CUL9: variants seen among roughly 807,000 people sequenced by gnomAD.
The protein encoded by CUL9 is cullin 9, also known as cullin-9.
CUL9 carries 79 observed loss-of-function variants against 272.6 expected under a neutral mutation model. That is an observed-to-expected ratio of 0.29 (90% CI 0.24 to 0.35). The LOEUF is 0.35. Ranked by LOEUF, CUL9 falls within the 10% of genes least tolerant of loss-of-function variation. The pLI is 1.00. For synonymous variants in CUL9, 1,186 were observed against 1,286.5 expected, an observed-to-expected ratio of 0.92 and a Z score of 1.67; for missense variants, 2,532 against 3,255.6, an observed-to-expected ratio of 0.78 and a Z score of 5.41.
chr6:43,198,551 T>C lies in CUL9; in HGVS notation c.2804-58T>C, dbSNP rs559071066. ...TTTCTGGACCTTCCCAGTTCTCAGT[T>C]TGACAAACTGGTAAGACTCTTCATC... is the stretch of plus-strand genomic sequence containing the variant. On this transcript the variant is annotated intron_variant, in intron 11 of 40. Transcript: ENST00000252050. The C allele has an allele frequency of 2.1e-5, 33 of 1,588,146 alleles. No individual in the cohort carries two copies. The South Asian group carries it at 3.4e-4, about 16-fold the overall frequency.
At chr6:43,194,737 C>G (rs1773848049) in intron 9 of CUL9, among the ~76,000 whole-genome samples, 1 of 152,038 alleles carries the variant, frequency 6.6e-6, no homozygotes, top group South Asian at 2.1e-4. Flanking sequence ...CAATTGCCAT[C>G]CACTATAGAT....
At position 43,222,410 on chromosome 6, in the gene CUL9, C is replaced by T. The variant is rs774206144; in HGVS notation, c.6921+20C>T. On this transcript the variant is annotated intron_variant, in intron 36 of 40. Coordinates refer to ENST00000252050, the MANE Select transcript of CUL9 (RefSeq NM_015089.4). ...GCGCGGGTGAGTCGGGAGGAAACAG[C>T]GGGTAGATGCCTGCAGAAGCAGGTT... 47 of 1,030,760 alleles carry T rather than the reference C, an allele frequency of 4.6e-5. No homozygotes were observed. Among genetic ancestry groups the T allele is most frequent in the East Asian group, 4.5e-4 (9 of 20,208 alleles). 63.9% of individuals were successfully genotyped at this position (1,030,760 alleles called of 1,614,324 possible).
At position 43,200,414 on chromosome 6, in the gene CUL9, C is replaced by T. The variant is rs1774415416; in HGVS notation, c.3385-22C>T. 6.2e-7 allele frequency: 1 copy of T among 1,614,152 alleles called. No homozygotes were observed. Among genetic ancestry groups the T allele is most frequent in the Non-Finnish European group, 8.5e-7 (1 of 1,180,038 alleles). ...GTTCCTCCCTCTCCTCTTCCTCATT[C>T]TCCCTGATGTTCCGGCTGCAGATGG... On this transcript the variant is annotated intron_variant, in intron 14 of 40. Coordinates refer to ENST00000252050, the MANE Select transcript of CUL9 (RefSeq NM_015089.4). The surrounding 1 kb of genome is among the most constrained non-coding windows in gnomAD (Gnocchi z 4.0).
rs1167435341 is a variant in CUL9, at chr6:43,203,630, C to T, written c.4025+38C>T. On this transcript the variant is annotated intron_variant, in intron 19 of 40. Coordinates refer to ENST00000252050, the MANE Select transcript of CUL9 (RefSeq NM_015089.4). The surrounding 1 kb of genome is among the most constrained non-coding windows in gnomAD (Gnocchi z 5.0). ...TGAGGAGGGAAGATGGGTAAGGGAA[C>T]AGGACACTGTGAGAAGTAGGAGGGA... 6.3e-7 allele frequency: 1 copy of T among 1,597,454 alleles called. No homozygotes were observed. Among genetic ancestry groups the T allele is most frequent in the Non-Finnish European group, 8.5e-7 (1 of 1,171,234 alleles).
At position 43,220,402 on chromosome 6, in the gene CUL9, T is replaced by A; in HGVS notation, c.6283-57T>A. On this transcript the variant is annotated intron_variant, in intron 31 of 40. Transcript: ENST00000252050. This position sits in a 1 kb window ranked among gnomAD's most constrained non-coding sequence, Gnocchi z 4.9. ...GACGCTAGCTTAGTTACCAGGACAC[T>A]CCCCCTGTGCTGCTCCCACACTGTC... is the stretch of plus-strand genomic sequence containing the variant. 3.8e-6 allele frequency: 6 copies of A among 1,590,188 alleles called. No individual in the cohort carries two copies. Among genetic ancestry groups the A allele is most frequent in the African/African-American group, 1.3e-5 (1 of 74,480 alleles).
At chr6:43,205,205 A>G in intron 23 of CUL9, 58 bp from the exon 24 acceptor site, 1 of 1,595,056 alleles carries the variant, frequency 6.3e-7, no homozygotes, top group Non-Finnish European at 8.6e-7. Context: ...TTCGCTCCCC[A>G]GTCTCCTACT....
Position 43,198,602 on chromosome 6 carries a change from G to A in CUL9, c.2804-7G>A, listed in dbSNP as rs1462340049. ...CACATTTTTCCCTCTGGTGTGTCTG[G>A]CTGCAGCACTAGAGACCCCCATCAT... On this transcript the variant is annotated splice_region_variant and splice_polypyrimidine_tract_variant and intron_variant, in intron 11 of 40. Transcript: ENST00000252050. The A allele has an allele frequency of 3.7e-6, 6 of 1,613,726 alleles. No individual in the cohort carries two copies. Among genetic ancestry groups the A allele is most frequent in the Middle Eastern group, 1.6e-4 (1 of 6,062 alleles).
At chr6:43,216,541 C>G (rs762817051) in intron 31 of CUL9, 38 bp downstream of exon 31, 2 of 1,516,366 alleles carry the variant, frequency 1.3e-6, no homozygotes. Flanking sequence ...CCCTGGCTTT[C>G]TGCCCTACCC....
At position 43,199,863 on chromosome 6, in the gene CUL9, C is replaced by G. The variant is rs16896330; in HGVS notation, c.3157-66C>G. ...CACGACACTTCCTTTACTGAACCCT[C>G]TCCTCAATCCTTACATGTCCTACCT... On this transcript the variant is annotated intron_variant, in intron 13 of 40. Coordinates refer to ENST00000252050, the MANE Select transcript of CUL9 (RefSeq NM_015089.4). The surrounding 1 kb of genome is among the most constrained non-coding windows in gnomAD (Gnocchi z 4.4). 0.017 allele frequency: 21,537 copies of G among 1,300,616 alleles called. 705 individuals are homozygous for G. Among genetic ancestry groups the G allele is most frequent in the African/African-American group, 0.13 (8,906 of 68,936 alleles). The allele number at this position is 1,300,616 out of a possible 1,614,324, so 80.6% of individuals were successfully genotyped here. A position where few individuals can be genotyped will look rare whatever the true frequency, so the allele number is the denominator to read the frequency against.
At position 43,209,846 on chromosome 6, in the gene CUL9, C is replaced by T. The variant is rs533549482; in HGVS notation, c.5213-3303C>T. On this transcript the variant is annotated intron_variant, in intron 26 of 40. Coordinates refer to ENST00000252050, the MANE Select transcript of CUL9 (RefSeq NM_015089.4). ...TATTTTTAGTAGAGACAAGGTTTTA[C>T]CATATTGGCCAGGCTGTTCTCAAAC... 7.2e-5 allele frequency among the ~76,000 whole-genome samples: 11 copies of T among 152,126 alleles called. No homozygotes were observed. The South Asian group carries it at 2.3e-3, about 32-fold the overall frequency.
chr6:43,217,289 G>A (rs780567670), intron 31 of CUL9, among the ~76,000 whole-genome samples: 8 of 152,158 alleles, frequency 5.3e-5, no homozygotes, highest in Non-Finnish European at 1.0e-4. Context: ...CCTGGGAGGC[G>A]GAGGCTGCAG....
chr6:43,215,310 G>T lies in CUL9; in HGVS notation c.5920G>T (p.Glu1974Ter). The change falls in exon 30 of 41, where the codon GAA becomes TAA. Residue 1974 changes from glutamate (E) to a stop codon, truncating the protein, a stop_gained. Coordinates refer to ENST00000252050, the MANE Select transcript of CUL9 (RefSeq NM_015089.4). LOFTEE classifies it high-confidence loss of function. ...TGTCCCTTTCTGTGGCAGCCAGAGC[G>T]AAACCTCCAAGCCCAGGTAGCCACT... ...ADVPFCGSQS[E>*]TSKPSPEAVA... 1.2e-6 allele frequency: 2 copies of T among 1,610,442 alleles called. No individual in the cohort carries two copies.
intron 21 of CUL9, 45 bp downstream of exon 21, chr6:43,204,584 G>T (rs1421798541): frequency 1.2e-6 from 2 of 1,610,290 alleles, no homozygotes; most frequent in Admixed American, 1.7e-5. Flanking sequence ...GCGGACAGTG[G>T]TGTATCTGGC....
At position 43,198,785 on chromosome 6, in the gene CUL9, C is replaced by A; in HGVS notation, c.2980C>A (p.Pro994Thr). Residue 994 changes from proline (P) to threonine (T), a missense_variant, in exon 12 of 41, where the codon CCT becomes ACT. Coordinates refer to ENST00000252050, the MANE Select transcript of CUL9 (RefSeq NM_015089.4). ...CAAGCGCCTCCAGCAGGAGACCCAG[C>A]CTTTCCTCCTGTTGCTGCGGACTCT... ...LLKRLQQETQ[P>T]FLLLLRTLDA... 6.2e-7 allele frequency: 1 copy of A among 1,613,974 alleles called. No individual in the cohort carries two copies. Among genetic ancestry groups the A allele is most frequent in the Admixed American group, 1.7e-5 (1 of 60,030 alleles).
At position 43,204,480 on chromosome 6, in the gene CUL9, A is replaced by G. The variant is rs900087307; in HGVS notation, c.4280A>G (p.His1427Arg). 1.2e-6 allele frequency: 2 copies of G among 1,613,888 alleles called. No homozygotes were observed. The highest frequency in any genetic ancestry group is 2.2e-5 in the East Asian group (1 of 44,872). Reference protein sequence around the residue: ...SFASRVRRLCHLLVHVEPPPG... With the variant: ...SFASRVRRLCRLLVHVEPPPG... ...GCTTCTCGAGTTCGTCGCCTTTGCC[A>G]CTTGCTGGTGCATGTGGAACCTCCT... Residue 1427 changes from histidine to arginine, a missense_variant, in exon 21 of 41, where the codon CAC becomes CGC. By Grantham distance (29) the His-to-Arg change is conservative. Around this residue, in one of 3 missense-constraint regions of CUL9, gnomAD observed 2,218 missense variants for 2,788.6 expected, o/e 0.80. Coordinates refer to ENST00000252050, the MANE Select transcript of CUL9 (RefSeq NM_015089.4).
intron 16 of CUL9, among the ~76,000 whole-genome samples, chr6:43,201,670 G>A (rs146353143): frequency 0.043 from 6,596 of 152,054 alleles, 335 homozygotes; most frequent in African/African-American, 0.13. Context: ...TAGTAGAGAC[G>A]GGGTTTCACC....
In CUL9 at chr6:43,187,043, T is replaced by A; in HGVS notation, c.1335T>A (p.Asp445Glu). The change falls in exon 5 of 41, where the codon GAT (aspartate) becomes GAA (glutamate). Residue 445 changes from aspartate to glutamate, a missense_variant. By Grantham distance (45) the Asp-to-Glu change is conservative. Coordinates refer to ENST00000252050, the MANE Select transcript of CUL9 (RefSeq NM_015089.4). ...TGGGCCCTGAGGAAGCCACTGAGGATAAGGCTTCAGCAGCTGTGGAGAAGG... is the reference window on the plus strand; with the variant it reads ...TGGGCCCTGAGGAAGCCACTGAGGAAAAGGCTTCAGCAGCTGTGGAGAAGG... ...EILGPEEATEDKASAAVEKGA... is the reference protein window; with the variant it reads ...EILGPEEATEEKASAAVEKGA... 6.2e-7 allele frequency: 1 copy of A among 1,614,052 alleles called. No individual in the cohort carries two copies. The highest frequency in any genetic ancestry group is 8.5e-7 in the Non-Finnish European group (1 of 1,179,954).
chr6:43,221,768 G>T lies in CUL9; in HGVS notation c.6836G>T (p.Cys2279Phe). 6.2e-7 allele frequency: 1 copy of T among 1,612,298 alleles called. No homozygotes were observed. Residue 2279 changes from cysteine to phenylalanine, a missense_variant, in exon 35 of 41, where the codon TGC (cysteine) becomes TTC (phenylalanine). Cys to Phe is a radical substitution (Grantham distance 205, BLOSUM62 -2). Transcript: ENST00000252050. The surrounding 1 kb of genome is among the most constrained non-coding windows in gnomAD (Gnocchi z 4.2). ...CCAAATCACAAAGACTATTACAACT[G>T]CTCTGCCATGGTAAGGCGCTGGGCA... ...WKPNHKDYYN[C>F]SAMVSKAARQ... is the part of the protein sequence containing the mutation.
At chr6:43,196,889 A>G (rs1774046099) in intron 11 of CUL9, 27 bp downstream of exon 11, 3 of 1,592,292 alleles carry the variant, frequency 1.9e-6, no homozygotes, top group Non-Finnish European at 2.6e-6. Context: ...GTGGTTTTGC[A>G]GAGGAATCAC....
Sources: gnomAD v4.1 joint callset for allele counts (sites outside exome capture counted in the v4.1 genomes callset) on GRCh38, gnomAD v4.1.1 for gene constraint, gnomAD v4.1.1 regional missense constraint, Gnocchi (gnomAD v3.1) non-coding constraint, MANE v1.5 for transcripts, NCBI Gene and HGNC (gene_info 2026-07-23, HGNC 2026-07-21) for gene names.